Variants in LRRTM4 observed in about 807,000 individuals in gnomAD.
The protein encoded by LRRTM4 is leucine rich repeat transmembrane neuronal 4.
In LRRTM4, 25 loss-of-function variants were observed where a neutral mutation model predicts 47.6. The ratio of observed to expected loss-of-function variants is 0.53; its 90% CI spans 0.38 to 0.73. LRRTM4 has a LOEUF of 0.73. Among genes scored for constraint, LRRTM4 ranks in the 30% least tolerant of loss-of-function variants. The pLI, the probability that LRRTM4 is intolerant of heterozygous loss-of-function variation, is 0.00. For synonymous variants in LRRTM4, 311 were observed against 269.5 expected (o/e 1.15, Z -1.51); for missense variants, 638 against 713.4 (o/e 0.89, Z 1.20).
rs747777319 is a variant in LRRTM4 at position 77,518,330 on chromosome 2, G to C, written c.1539C>G (p.Ser513=). The C allele has an allele frequency of 6.2e-7, 1 of 1,606,010 alleles. No homozygotes were observed. The highest frequency in any genetic ancestry group is 8.5e-7 in the Non-Finnish European group (1 of 1,176,084). The part of the protein sequence containing the change: ...SGPCTYTISG[S]RECEMPHHMK... The stretch of plus-strand genomic sequence containing the variant: ...TCATGGTTCATACCTCACATTCCCT[G>C]GAGCCAGAGATGGTATATGTGCAGG... Residue 513 remains serine (S), a synonymous_variant, in exon 3 of 4, where the codon TCC becomes TCG. Coordinates refer to ENST00000409884, the MANE Select transcript of LRRTM4 (RefSeq NM_001134745.3).
intron 3 of LRRTM4, among the ~76,000 whole-genome samples, chr2:77,034,445 T>TA (rs1323138675): frequency 5.3e-5 from 8 of 151,946 alleles, no homozygotes; most frequent in African/African-American, 1.7e-4. Flanking sequence ...ATAAATAGTT[T>TA]AATCTTGCTC....
At chr2:76,904,378 A>T (rs1673748847) in intron 3 of LRRTM4, among the ~76,000 whole-genome samples, 2 of 152,234 alleles carry the variant, frequency 1.3e-5, no homozygotes, top group Admixed American at 6.5e-5. Context: ...TGACAGACAG[A>T]GTGGACAGGA....
intron 3 of LRRTM4, among the ~76,000 whole-genome samples, chr2:77,095,497 C>T (rs1027031537): frequency 1.2e-4 from 17 of 144,892 alleles, no homozygotes; most frequent in South Asian, 2.2e-4. Context: ...ATATGAAATA[C>T]CATATGCAAA....
chr2:77,205,709 G>C (rs970220537), intron 3 of LRRTM4, among the ~76,000 whole-genome samples: 1 of 152,158 alleles, frequency 6.6e-6, no homozygotes, highest in African/African-American at 2.4e-5. Flanking sequence ...CGAAGTTTTC[G>C]AGCAGGTTTA....
At chr2:77,442,750 A>AG (rs1675894499) in intron 3 of LRRTM4, among the ~76,000 whole-genome samples, 1 of 152,210 alleles carries the variant, frequency 6.6e-6, no homozygotes, top group Non-Finnish European at 1.5e-5. Flanking sequence ...TCTTGCTGAT[A>AG]GCACTTGGTG....
At chr2:77,365,704 C>T (rs78871921) in intron 3 of LRRTM4, among the ~76,000 whole-genome samples, 185 of 151,020 alleles carry the variant, frequency 1.2e-3, no homozygotes, top group African/African-American at 3.7e-3. Context: ...TACTATGATG[C>T]CATTAAATAT....
intron 3 of LRRTM4, among the ~76,000 whole-genome samples, chr2:77,246,913 A>T (rs1489523141): frequency 6.6e-6 from 1 of 152,098 alleles, no homozygotes; most frequent in Non-Finnish European, 1.5e-5. Flanking sequence ...GCAAAATATA[A>T]AACTTCTGGA....
intron 3 of LRRTM4, among the ~76,000 whole-genome samples, chr2:77,423,892 C>A (rs1675005019): frequency 6.6e-6 from 1 of 152,114 alleles, no homozygotes; most frequent in East Asian, 1.9e-4. Context: ...AAATGACAAC[C>A]AGTCTTTGGT....
intron 3 of LRRTM4, among the ~76,000 whole-genome samples, chr2:77,423,078 T>C (rs1271948577): frequency 1.3e-5 from 2 of 152,120 alleles, no homozygotes; most frequent in Non-Finnish European, 2.9e-5. Flanking sequence ...TTTCTTAGTG[T>C]TCTGCTTAGA....
intron 3 of LRRTM4, among the ~76,000 whole-genome samples, chr2:77,355,413 C>G (rs1671931481): frequency 6.6e-6 from 1 of 152,138 alleles, no homozygotes; most frequent in Admixed American, 6.5e-5. Flanking sequence ...TCTTACCACT[C>G]AGAGTAAAGT....
chr2:77,274,159 A>G (rs764466589), intron 3 of LRRTM4, among the ~76,000 whole-genome samples: 6 of 152,078 alleles, frequency 3.9e-5, no homozygotes, highest in Admixed American at 1.3e-4. Flanking sequence ...ACACACACAC[A>G]TACACACACA....
chr2:77,163,306 T>C (rs116487752), intron 3 of LRRTM4, among the ~76,000 whole-genome samples: 5,988 of 152,104 alleles, frequency 0.039, 229 homozygotes, highest in African/African-American at 0.099. Context: ...GAACAAACCC[T>C]CCAAGAAATA....
intron 3 of LRRTM4, among the ~76,000 whole-genome samples, chr2:76,877,559 A>T (rs938324282): frequency 2.6e-5 from 4 of 152,152 alleles, no homozygotes; most frequent in East Asian, 3.8e-4. Flanking sequence ...GTCTTACCTC[A>T]CTGTTTTACA....
intron 3 of LRRTM4, among the ~76,000 whole-genome samples, chr2:77,418,338 G>T (rs527584640): frequency 6.6e-6 from 1 of 152,094 alleles, no homozygotes; most frequent in African/African-American, 2.4e-5. Context: ...TTCAATTTTT[G>T]AAGAGTTTAT....
chr2:76,782,756 C>T (rs1674471194), intron 3 of LRRTM4, among the ~76,000 whole-genome samples: 1 of 152,082 alleles, frequency 6.6e-6, no homozygotes, highest in South Asian at 2.1e-4. Context: ...TTGAAGAAAT[C>T]CACATATAAG....
At chr2:77,365,248 C>T (rs1489495194) in intron 3 of LRRTM4, among the ~76,000 whole-genome samples, 1 of 152,028 alleles carries the variant, frequency 6.6e-6, no homozygotes, top group Non-Finnish European at 1.5e-5. Flanking sequence ...ATGCTGCAGT[C>T]AATGAACAAA....
intron 3 of LRRTM4, among the ~76,000 whole-genome samples, chr2:76,775,674 T>C (rs913727320): frequency 6.6e-6 from 1 of 152,194 alleles, no homozygotes. Context: ...GTCATAAATC[T>C]GACTACATTT....
At chr2:76,794,496 G>C (rs758083540) in intron 3 of LRRTM4, among the ~76,000 whole-genome samples, 3 of 152,012 alleles carry the variant, frequency 2.0e-5, no homozygotes, top group African/African-American at 7.3e-5. Flanking sequence ...CTTATTACTG[G>C]TATAGGCAAA....
chr2:76,760,076 A>G (rs909969567), intron 3 of LRRTM4, among the ~76,000 whole-genome samples: 7 of 152,120 alleles, frequency 4.6e-5, no homozygotes, highest in African/African-American at 1.7e-4. Context: ...TATGAATTTG[A>G]GAGATATTTA....
Sources: allele counts gnomAD v4.1 joint callset (sites outside exome capture counted in the v4.1 genomes callset), GRCh38; gene constraint gnomAD v4.1.1; transcripts MANE v1.5; gene names NCBI Gene and HGNC (gene_info 2026-07-23, HGNC 2026-07-21).